Variants in KCNU1 observed in about 807,000 individuals in gnomAD.
The protein encoded by KCNU1 is potassium channel subfamily U member 1.
In KCNU1, 93 loss-of-function variants were observed where a neutral mutation model predicts 126.8. The observed-to-expected ratio is 0.73, with a 90% confidence interval of 0.62 to 0.87. The LOEUF (loss-of-function observed/expected upper bound fraction) is 0.87. Among genes scored for constraint, KCNU1 ranks in the 40% least tolerant of loss-of-function variants. KCNU1 has a pLI of 0.00. For missense variants in KCNU1, 1,330 were observed against 1,367.1 expected, an observed-to-expected ratio of 0.97 and a Z score of 0.43; for synonymous variants, 523 against 494.2, an observed-to-expected ratio of 1.06 and a Z score of -0.77.
intron 9 of KCNU1, among the ~76,000 whole-genome samples, chr8:36,816,671 A>G (rs757935108): frequency 6.6e-6 from 1 of 152,190 alleles, no homozygotes; most frequent in Non-Finnish European, 1.5e-5. Flanking sequence ...GGCTAAAATT[A>G]TGTTTTCAGT....
chr8:36,828,650 G>T (rs553119909), intron 10 of KCNU1, among the ~76,000 whole-genome samples: 9 of 152,074 alleles, frequency 5.9e-5, no homozygotes, highest in Non-Finnish European at 8.8e-5. Context: ...TCTTCTTTTG[G>T]TGTGATTAGT....
At chr8:36,929,957 C>A (rs1808650391) in intron 24 of KCNU1, among the ~76,000 whole-genome samples, 1 of 151,946 alleles carries the variant, frequency 6.6e-6, no homozygotes, top group Non-Finnish European at 1.5e-5. Context: ...CTATGATAAT[C>A]CAGATTTCAG....
Position 36,864,351 on chromosome 8 carries a change from C to A in KCNU1, c.1892-53C>A, listed in dbSNP as rs190858314. The A allele has an allele frequency of 7.3e-4, 810 of 1,111,688 alleles. 5 individuals carry two copies. Among genetic ancestry groups the A allele is most frequent in the Middle Eastern group, 3.9e-4 (2 of 5,078 alleles). The allele number at this position is 1,111,688 out of a possible 1,614,324, so 68.9% of individuals were successfully genotyped here. ...GGCTCAGCCAAGGGGAATATTCCAA[C>A]AATCCCTTGTGAAGAGATGTGCCAA... On this transcript the variant is annotated intron_variant, in intron 18 of 26. Coordinates refer to ENST00000399881, the MANE Select transcript of KCNU1 (RefSeq NM_001031836.3).
intron 19 of KCNU1, among the ~76,000 whole-genome samples, chr8:36,883,661 C>T (rs1278660984): frequency 1.3e-5 from 2 of 152,114 alleles, no homozygotes; most frequent in South Asian, 2.1e-4. Flanking sequence ...TGTGATGGCT[C>T]ATGCCTGTAG....
intron 18 of KCNU1, among the ~76,000 whole-genome samples, chr8:36,856,992 G>A (rs1036439200): frequency 5.9e-5 from 9 of 152,192 alleles, no homozygotes; most frequent in African/African-American, 1.4e-4. Flanking sequence ...TCCTTTGGGC[G>A]GAGCTTCAGA....
intron 1 of KCNU1, among the ~76,000 whole-genome samples, chr8:36,786,199 T>G (rs1380883740): frequency 6.6e-6 from 1 of 152,170 alleles, no homozygotes; most frequent in African/African-American, 2.4e-5. Context: ...TCTCCTTAAA[T>G]GTGCATTTAA....
At chr8:36,836,712 A>G in intron 13 of KCNU1, 81 bp from the exon 14 acceptor site, 2 of 1,242,776 alleles carry the variant, frequency 1.6e-6, no homozygotes, top group South Asian at 2.8e-5. Flanking sequence ...TAAATTTAAA[A>G]AAAGAAAGAC....
chr8:36,934,185 G>A (rs1808786229), intron 26 of KCNU1, among the ~76,000 whole-genome samples: 1 of 152,080 alleles, frequency 6.6e-6, no homozygotes, highest in African/African-American at 2.4e-5. Flanking sequence ...GACACGGCCA[G>A]GAAAGTGATT....
chr8:36,810,444 C>A, intron 7 of KCNU1, among the ~76,000 whole-genome samples: 1 of 151,914 alleles, frequency 6.6e-6, no homozygotes. Context: ...GAAGTAAGCA[C>A]AGAAAAAAGG....
intron 10 of KCNU1, among the ~76,000 whole-genome samples, chr8:36,819,021 C>T (rs553793704): frequency 5.9e-5 from 9 of 152,246 alleles, no homozygotes; most frequent in South Asian, 4.1e-4. Flanking sequence ...AGATGTGTGA[C>T]GTGTTTTACC....
intron 24 of KCNU1, among the ~76,000 whole-genome samples, chr8:36,928,264 C>T (rs1808592831): frequency 6.6e-6 from 1 of 152,072 alleles, no homozygotes; most frequent in African/African-American, 2.4e-5. Context: ...ACATGTTTTC[C>T]TAGAGCTATT....
intron 2 of KCNU1, among the ~76,000 whole-genome samples, chr8:36,788,473 G>A (rs1802790085): frequency 1.3e-5 from 2 of 152,168 alleles, no homozygotes; most frequent in African/African-American, 2.4e-5. Flanking sequence ...GTAATTAGGG[G>A]TATGCTGCCA....
chr8:36,931,580 C>A (rs1049402516), intron 25 of KCNU1, among the ~76,000 whole-genome samples: 1 of 151,964 alleles, frequency 6.6e-6, no homozygotes, highest in Non-Finnish European at 1.5e-5. Context: ...ATTATTAATT[C>A]TATTTAACAG....
At chr8:36,851,095 T>C (rs2117288639) in intron 18 of KCNU1, among the ~76,000 whole-genome samples, 1 of 152,328 alleles carries the variant, frequency 6.6e-6, no homozygotes, top group African/African-American at 2.4e-5. Flanking sequence ...TCAGGATCAA[T>C]ATGTTAATTT....
intron 10 of KCNU1, among the ~76,000 whole-genome samples, chr8:36,827,980 C>A (rs1458018487): frequency 1.3e-5 from 2 of 152,038 alleles, no homozygotes; most frequent in Admixed American, 1.3e-4. Context: ...GTGAGAATTG[C>A]AAATTTCTTC....
chr8:36,803,545 T>A (rs1803387885), intron 2 of KCNU1, among the ~76,000 whole-genome samples: 1 of 152,154 alleles, frequency 6.6e-6, no homozygotes, highest in Admixed American at 6.5e-5. Flanking sequence ...ATTCTGGCTA[T>A]CCTTTAGGGA....
At chr8:36,798,192 A>T (rs1369921072) in intron 2 of KCNU1, among the ~76,000 whole-genome samples, 1 of 152,028 alleles carries the variant, frequency 6.6e-6, no homozygotes, top group South Asian at 2.1e-4. Flanking sequence ...CCTTCCTCTT[A>T]GGTCTTGAGG....
At chr8:36,841,045 T>G (rs760268831) in intron 16 of KCNU1, 42 bp downstream of exon 16, 10 of 1,289,894 alleles carry the variant, frequency 7.8e-6, no homozygotes, top group Middle Eastern at 1.9e-4. Context: ...TTTTTTTTTT[T>G]TTTTTTTTTT....
At chr8:36,812,003 G>T (rs1452085114) in intron 7 of KCNU1, among the ~76,000 whole-genome samples, 1 of 152,110 alleles carries the variant, frequency 6.6e-6, no homozygotes, top group Non-Finnish European at 1.5e-5. Context: ...GGCAGAGGTT[G>T]CAGTGAGCTG....
Sources: gnomAD v4.1 joint callset for allele counts (sites outside exome capture counted in the v4.1 genomes callset) on GRCh38, gnomAD v4.1.1 for gene constraint, MANE v1.5 for transcripts, NCBI Gene and HGNC (gene_info 2026-07-23, HGNC 2026-07-21) for gene names.